The following MYO16 variants were observed in gnomAD, a reference collection of about 807,000 sequenced individuals.
MYO16 encodes myosin XVI.
In MYO16, 94 loss-of-function variants were observed where a neutral mutation model predicts 205.3. That is an observed-to-expected ratio of 0.46 (90% CI 0.39 to 0.54). MYO16 has a LOEUF of 0.54. Ranked by LOEUF, MYO16 falls within the 20% of genes least tolerant of loss-of-function variation. MYO16 has a pLI of 0.00. For synonymous variants in MYO16, 988 were observed against 954.0 expected (o/e 1.04, Z -0.66); for missense variants, 2,315 against 2,387.5 (o/e 0.97, Z 0.63).
chr13:109,108,789 G>A (rs553334878), intron 28 of MYO16, among the ~76,000 whole-genome samples: 1 of 152,270 alleles, frequency 6.6e-6, no homozygotes, highest in South Asian at 2.1e-4. Context: ...AGATCTGAAG[G>A]GTGAGAAGGA....
chr13:108,855,346 C>A, intron 10 of MYO16, 97 bp from the exon 11 acceptor site: 1 of 527,794 alleles, frequency 1.9e-6, no homozygotes, highest in Non-Finnish European at 3.1e-6. Flanking sequence ...AGGTTGTCTT[C>A]AAATGTTTGA....
intron 13 of MYO16, among the ~76,000 whole-genome samples, chr13:108,886,005 G>T (rs1254020043): frequency 2.0e-5 from 3 of 151,638 alleles, no homozygotes; most frequent in Non-Finnish European, 4.4e-5. Context: ...TTTTGATATG[G>T]AGTCTTGAGT....
intron 21 of MYO16, among the ~76,000 whole-genome samples, chr13:109,001,117 C>T (rs1256452467): frequency 6.7e-6 from 1 of 148,658 alleles, no homozygotes; most frequent in Non-Finnish European, 1.5e-5. Context: ...TTTAAAATAT[C>T]TAAGGAAGCC....
chr13:109,206,506 A>G (rs1482083425), intron 34 of MYO16, 103 bp from the exon 35 acceptor site: 1 of 846,374 alleles, frequency 1.2e-6, no homozygotes, highest in Non-Finnish European at 1.9e-6. Flanking sequence ...TGCCTCTTTC[A>G]GCACCAGTCC....
intron 4 of MYO16, among the ~76,000 whole-genome samples, chr13:108,745,088 C>A (rs957828473): frequency 2.0e-5 from 3 of 152,134 alleles, no homozygotes; most frequent in African/African-American, 4.8e-5. Flanking sequence ...ACAACAAGAA[C>A]AAATCTGAAC....
At chr13:108,958,783 T>C (rs1429100743) in intron 17 of MYO16, among the ~76,000 whole-genome samples, 1 of 152,214 alleles carries the variant, frequency 6.6e-6, no homozygotes, top group Non-Finnish European at 1.5e-5. Context: ...CCCTTCAATC[T>C]CTATTTCCCA....
Position 109,125,161 on chromosome 13 carries a change from C to A in MYO16, c.3585C>A (p.Ile1195=), listed in dbSNP as rs760896552. Residue 1195 remains isoleucine, a synonymous_variant, in exon 30 of 35, where the codon ATC becomes ATA. Transcript: ENST00000457511. The surrounding 1 kb of genome is among the most constrained non-coding windows in gnomAD (Gnocchi z 4.0). ...ARQHLLQRIS[I]RQQEVTSINS... ...AGCACCTGCTTCAGAGAATAAGCAT[C>A]AGACAACAAGAGGTGACTTCTATCA... The A allele has an allele frequency of 1.7e-5, 28 of 1,614,004 alleles. 1 individual carries two copies. The highest frequency in any genetic ancestry group is 3.3e-4 in the Middle Eastern group (2 of 6,084).
chr13:109,051,244 C>T (rs1403456300), intron 24 of MYO16, among the ~76,000 whole-genome samples: 3 of 151,978 alleles, frequency 2.0e-5, no homozygotes, highest in Non-Finnish European at 4.4e-5. Flanking sequence ...CTTCCCTGTT[C>T]GTTTATTACC....
At position 108,801,814 on chromosome 13, in the gene MYO16, C is replaced by G. The variant is rs142017842; in HGVS notation, c.742-4865C>G. On this transcript the variant is annotated intron_variant, in intron 6 of 34. Transcript: ENST00000457511. ...AAAGAGACCGTGCATGTAAATCACT[C>G]AGCTTATTGTCTAGTTAGTACACAG... Among the ~76,000 whole-genome samples the G allele has an allele frequency of 8.5e-5, 13 of 152,296 alleles. No individual in the cohort carries two copies. The East Asian group carries it at 2.5e-3, about 29-fold the overall frequency.
chr13:108,843,817 A>G (rs146342736), intron 9 of MYO16, among the ~76,000 whole-genome samples: 1 of 152,170 alleles, frequency 6.6e-6, no homozygotes, highest in Admixed American at 6.5e-5. Flanking sequence ...TAGAATTAAC[A>G]AAAGTTACTC....
intron 4 of MYO16, among the ~76,000 whole-genome samples, chr13:108,733,449 T>A (rs544060706): frequency 6.6e-6 from 1 of 152,286 alleles, no homozygotes; most frequent in Non-Finnish European, 1.5e-5. Flanking sequence ...ATAGTATTAG[T>A]CATAGGCACA....
At chr13:109,073,216 C>T (rs1362207416) in intron 27 of MYO16, among the ~76,000 whole-genome samples, 1 of 151,676 alleles carries the variant, frequency 6.6e-6, no homozygotes, top group Non-Finnish European at 1.5e-5. Context: ...ATTCTCCTGC[C>T]TCAGCATCCC....
intron 14 of MYO16, among the ~76,000 whole-genome samples, chr13:108,888,793 G>A (rs1349618517): frequency 1.3e-5 from 2 of 152,078 alleles, no homozygotes; most frequent in African/African-American, 4.8e-5. Context: ...AGGGGCTCAC[G>A]ACTATAATCC....
Position 108,775,517 on chromosome 13 carries a change from G to GTT in MYO16, c.508-10111_508-10110dup, listed in dbSNP as rs35169100. Among the ~76,000 whole-genome samples, 59 of 151,632 alleles carry GTT rather than the reference G, an allele frequency of 3.9e-4. No homozygotes were observed. In the East Asian group the frequency reaches 8.4e-3, roughly 21 times the overall value. ...CTGAGTGGTTCAAAATGGAGTTTTG[G>GTT]TTTTTTTTAAATAAAAGCTAACATA... On this transcript the variant is annotated intron_variant, in intron 4 of 34. Coordinates refer to ENST00000457511, the MANE Select transcript of MYO16 (RefSeq NM_001198950.3).
chr13:108,866,869 G>A (rs1210332848), intron 12 of MYO16, among the ~76,000 whole-genome samples: 1 of 152,158 alleles, frequency 6.6e-6, no homozygotes, highest in Non-Finnish European at 1.5e-5. Context: ...CAGGGAGTGG[G>A]TATATGTTCC....
At position 109,140,898 on chromosome 13, in the gene MYO16, G is replaced by T; in HGVS notation, c.4686G>T (p.Pro1562=). ...CGGAGGGGTCGAGCCCGCTGTCCCC[G>T]CAGTACTCCAAGAGCCAGAAGGGCG... The part of the protein sequence containing the change: ...VQPEGSSPLS[P]QYSKSQKGDG... The change falls in exon 32 of 35, where the codon CCG becomes CCT. Residue 1562 remains proline, a synonymous_variant. Coordinates refer to ENST00000457511, the MANE Select transcript of MYO16 (RefSeq NM_001198950.3). The surrounding 1 kb of genome is among the most constrained non-coding windows in gnomAD (Gnocchi z 8.0). The T allele has an allele frequency of 6.3e-7, 1 of 1,588,736 alleles. No individual in the cohort carries two copies. The highest frequency in any genetic ancestry group is 1.4e-5 in the African/African-American group (1 of 71,844).
At chr13:108,724,533 T>A (rs1443687483) in intron 3 of MYO16, among the ~76,000 whole-genome samples, 2 of 152,196 alleles carry the variant, frequency 1.3e-5, no homozygotes, top group African/African-American at 4.8e-5. Context: ...AAATCTACCA[T>A]CTTCCTTTTT....
At chr13:108,743,719 G>A (rs1391466359) in intron 4 of MYO16, among the ~76,000 whole-genome samples, 1 of 152,178 alleles carries the variant, frequency 6.6e-6, no homozygotes, top group African/African-American at 2.4e-5. Flanking sequence ...GGACAAAGTG[G>A]AACTAGATCA....
intron 2 of MYO16, among the ~76,000 whole-genome samples, chr13:108,706,674 T>C (rs1460929623): frequency 6.6e-6 from 1 of 152,168 alleles, no homozygotes; most frequent in Non-Finnish European, 1.5e-5. Flanking sequence ...TAAAGGATGC[T>C]CACTAAAAAT....
Sources: allele counts gnomAD v4.1 joint callset (sites outside exome capture counted in the v4.1 genomes callset), GRCh38; gene constraint gnomAD v4.1.1; non-coding constraint Gnocchi (gnomAD v3.1); transcripts MANE v1.5; gene names NCBI Gene and HGNC (gene_info 2026-07-23, HGNC 2026-07-21).